Variants in BBOF1 observed in about 807,000 individuals in gnomAD.
BBOF1 encodes the protein basal body-orientation factor 1.
BBOF1 carries 62 observed loss-of-function variants against 68.0 expected under a neutral mutation model. That is an observed-to-expected ratio of 0.91 (90% confidence interval 0.74 to 1.13). The LOEUF (loss-of-function observed/expected upper bound fraction) is 1.13, where lower values mean the gene tolerates loss of function less well. Among genes scored for constraint, BBOF1 ranks in the 50% most tolerant of loss-of-function variants. BBOF1 has a pLI of 0.00. For missense variants in BBOF1, 534 were observed against 600.1 expected (o/e 0.89, Z 1.15); for synonymous variants, 208 against 198.8 (o/e 1.05, Z -0.39).
chr14:74,023,019 C>G lies in BBOF1; in HGVS notation c.160C>G (p.Arg54Gly), dbSNP rs766859646. ...EVTELSRIKY[R>G]DTSRILAKSN... The stretch of plus-strand genomic sequence containing the variant: ...CACAGAACTCTCTAGGATTAAGTAT[C>G]GTGATACTTCACGGATACTGGCAAA... Residue 54 changes from arginine to glycine, a missense_variant, in exon 2 of 12, where the codon CGT becomes GGT. By Grantham distance (125) the Arg-to-Gly change is moderately radical. Transcript: ENST00000394009. The G allele has an allele frequency of 6.8e-6, 11 of 1,611,754 alleles. No individual in the cohort carries two copies. The highest frequency in any genetic ancestry group is 3.3e-5 in the Admixed American group (2 of 59,706).
chr14:74,043,556 C>CA (rs1162364604), intron 5 of BBOF1, among the ~76,000 whole-genome samples: 455 of 26,786 alleles, frequency 0.017, 46 homozygotes, highest in Admixed American at 0.034. Flanking sequence ...GACTCCGTCT[C>CA]AAAAAAAAAA....
chr14:74,046,340 G>A (rs576585682), intron 6 of BBOF1, among the ~76,000 whole-genome samples: 1 of 152,234 alleles, frequency 6.6e-6, no homozygotes, highest in African/African-American at 2.4e-5. Context: ...GTGGTGGAAA[G>A]ATCCTGGGCT....
chr14:74,045,493 G>A (rs1375048953), intron 5 of BBOF1, among the ~76,000 whole-genome samples: 1 of 151,800 alleles, frequency 6.6e-6, no homozygotes, highest in Admixed American at 6.6e-5. Flanking sequence ...ATTTTTAGTA[G>A]AGCTGGGGTT....
chr14:74,060,977 AT>A (rs1398808378), intron 11 of BBOF1, among the ~76,000 whole-genome samples: 1 of 151,700 alleles, frequency 6.6e-6, no homozygotes, highest in African/African-American at 2.4e-5. Context: ...TGAAACTAGT[AT>A]TTCTTTCTTT....
chr14:74,067,383 C>T, downstream of BBOF1: 1 of 1,613,044 alleles, frequency 6.2e-7, no homozygotes, highest in Non-Finnish European at 8.5e-7. Flanking sequence ...TGATTACCTG[C>T]ATTGACTCTC....
At chr14:74,071,793 G>A (rs1265212555) in intron 9 of BBOF1, 11 of 1,489,254 alleles carry the variant, frequency 7.4e-6, no homozygotes, top group Non-Finnish European at 1.0e-5. Flanking sequence ...TCATGGGATG[G>A]CAAAATCTAT....
chr14:74,069,106 T>C (rs1039169758), downstream of BBOF1: 214 of 1,015,770 alleles, frequency 2.1e-4, no homozygotes, highest in Middle Eastern at 7.1e-4. Context: ...TTTTTCTTTT[T>C]TTTTTTTTTT....
intron 9 of BBOF1, chr14:74,072,520 A>G: frequency 6.2e-7 from 1 of 1,614,194 alleles, no homozygotes; most frequent in Non-Finnish European, 8.5e-7. Flanking sequence ...TTGAAGTCCC[A>G]AAGCAGCTTC....
At position 74,059,019 on chromosome 14, in the gene BBOF1, G is replaced by A. The variant is rs112962625; in HGVS notation, c.1578+1761G>A. 0.015 allele frequency: 2,380 copies of A among 155,272 alleles called. 67 individuals are homozygous for A. Among genetic ancestry groups the A allele is most frequent in the African/African-American group, 0.056 (2,266 of 40,530 alleles). 9.6% of individuals were successfully genotyped at this position (155,272 alleles called of 1,614,324 possible). A position where few individuals can be genotyped will look rare whatever the true frequency, so the allele number is the denominator to read the frequency against. Reference sequence around the variant, plus strand: ...GAATTGCTTGAACCCGGGAGGCAGAGGTTGCAGTGAGCCAAGATCACGCCA... The same window carrying A: ...GAATTGCTTGAACCCGGGAGGCAGAAGTTGCAGTGAGCCAAGATCACGCCA... On this transcript the variant is annotated intron_variant, in intron 11 of 11. Transcript: ENST00000394009.
At chr14:74,066,833 G>A (rs756777014), downstream of BBOF1, 6 of 1,613,792 alleles carry the variant, frequency 3.7e-6, no homozygotes, top group African/African-American at 1.3e-5. Context: ...TTACAGACTC[G>A]CTCTTTGGCC....
At chr14:74,040,708 C>T (rs931941203) in intron 5 of BBOF1, 63 bp downstream of exon 5, 4 of 895,772 alleles carry the variant, frequency 4.5e-6, no homozygotes, top group Non-Finnish European at 6.8e-6. Context: ...TATTTATATG[C>T]ATTCTGAAAC....
At chr14:74,036,722 A>G (rs2059708888) in intron 4 of BBOF1, among the ~76,000 whole-genome samples, 2 of 145,896 alleles carry the variant, frequency 1.4e-5, no homozygotes, top group Non-Finnish European at 3.0e-5. Flanking sequence ...GTGTTCCTCC[A>G]CTGTAAACAG....
intron 4 of BBOF1, among the ~76,000 whole-genome samples, chr14:74,037,691 C>A (rs1195391229): frequency 3.3e-5 from 5 of 151,742 alleles, no homozygotes; most frequent in Non-Finnish European, 7.4e-5. Flanking sequence ...TGGTGGCTCA[C>A]GCCTGTAATA....
chr14:74,062,051 G>GA (rs369414700), intron 11 of BBOF1, among the ~76,000 whole-genome samples: 5,737 of 59,326 alleles, frequency 0.097, 582 homozygotes, highest in South Asian at 0.16. Context: ...TCTCTACTGG[G>GA]AAAAAAAAAA....
intron 4 of BBOF1, among the ~76,000 whole-genome samples, chr14:74,038,027 TTCTG>T (rs1336304194): frequency 1.3e-5 from 2 of 152,168 alleles, no homozygotes; most frequent in South Asian, 2.1e-4. Flanking sequence ...TTATACCCCA[TTCTG>T]TCTTTTTTAT....
intron 9 of BBOF1, chr14:74,078,159 G>T: frequency 2.2e-6 from 1 of 454,452 alleles, no homozygotes; most frequent in South Asian, 1.6e-5. Flanking sequence ...AATTCCTCTT[G>T]TACTTTCAGG....
At chr14:74,042,430 A>G (rs2059843041) in intron 5 of BBOF1, among the ~76,000 whole-genome samples, 1 of 152,190 alleles carries the variant, frequency 6.6e-6, no homozygotes, top group Admixed American at 6.5e-5. Flanking sequence ...CAGTTTACAG[A>G]ATACCCGAGT....
chr14:74,056,508 G>A (rs1566818626), intron 9 of BBOF1, among the ~76,000 whole-genome samples: 1 of 151,510 alleles, frequency 6.6e-6, no homozygotes, highest in Non-Finnish European at 1.5e-5. Flanking sequence ...CCCTAATTTT[G>A]TATTTTTAGT....
At chr14:74,056,488 C>T (rs972931209) in intron 9 of BBOF1, among the ~76,000 whole-genome samples, 11 of 152,074 alleles carry the variant, frequency 7.2e-5, no homozygotes, top group Non-Finnish European at 1.5e-4. Context: ...GCATGAGCCA[C>T]TGTGCCCGGC....
Sources: gnomAD v4.1 joint callset for allele counts (sites outside exome capture counted in the v4.1 genomes callset) on GRCh38, gnomAD v4.1.1 for gene constraint, MANE v1.5 for transcripts, NCBI Gene and HGNC (gene_info 2026-07-23, HGNC 2026-07-21) for gene names.